FOXN3: variants seen among roughly 807,000 people sequenced by gnomAD.
The protein encoded by FOXN3 is forkhead box protein N3.
FOXN3 carries 7 observed loss-of-function variants against 38.4 expected under a neutral mutation model. That is an observed-to-expected ratio of 0.18 (90% confidence interval 0.10 to 0.34). FOXN3 has a LOEUF of 0.34. Ranked by LOEUF, FOXN3 falls within the 10% of genes least tolerant of loss-of-function variation. The pLI is 1.00. For synonymous variants in FOXN3, 230 were observed against 242.2 expected, an observed-to-expected ratio of 0.95 and a Z score of 0.47; for missense variants, 456 against 613.4, an observed-to-expected ratio of 0.74 and a Z score of 2.71.
Position 89,359,090 on chromosome 14 carries a change from G to A in FOXN3, c.544-8282C>T, listed in dbSNP as rs145696291. 1.5e-4 allele frequency among the ~76,000 whole-genome samples: 23 copies of A among 152,210 alleles called. No individual in the cohort carries two copies. In the East Asian group the frequency reaches 4.1e-3, roughly 27 times the overall value. On this transcript the variant is annotated intron_variant, in intron 2 of 5. Coordinates refer to ENST00000557258, the MANE Select transcript of FOXN3 (RefSeq NM_005197.4). ...TGGAAGGCAGAGGATCACCTGAGGA[G>A]TTTGAGACCAGCCTAGTCAACATGG...
chr14:89,205,922 C>A (rs1028653489), intron 4 of FOXN3, among the ~76,000 whole-genome samples: 14 of 152,206 alleles, frequency 9.2e-5, no homozygotes, highest in Non-Finnish European at 1.6e-4. Context: ...GCCCTGGGAG[C>A]GGGTTAAGGG....
intron 1 of FOXN3, among the ~76,000 whole-genome samples, chr14:89,558,797 T>G (rs1383336945): frequency 6.6e-6 from 1 of 151,998 alleles, no homozygotes; most frequent in Non-Finnish European, 1.5e-5. Flanking sequence ...TTGCCCCAGC[T>G]GCCGTAGGCT....
At chr14:89,340,907 T>C (rs1215369948) in intron 3 of FOXN3, among the ~76,000 whole-genome samples, 1 of 152,058 alleles carries the variant, frequency 6.6e-6, no homozygotes. Context: ...GGTCTTGAAA[T>C]CTGCACTTAA....
Position 89,393,243 on chromosome 14 carries a change from C to A in FOXN3, c.543+18691G>T, listed in dbSNP as rs928445254. On this transcript the variant is annotated intron_variant, in intron 2 of 5. Coordinates refer to ENST00000557258, the MANE Select transcript of FOXN3 (RefSeq NM_005197.4). ...GGCATGAGCCACCCCACCTGGCCTC[C>A]TCTCTTCTTTTTATAAGAATGCCAG... Among the ~76,000 whole-genome samples, 6 of 152,206 alleles carry A rather than the reference C, an allele frequency of 3.9e-5. 1 individual carries two copies. Among genetic ancestry groups the A allele is most frequent in the Admixed American group, 3.9e-4 (6 of 15,282 alleles).
intron 1 of FOXN3, among the ~76,000 whole-genome samples, chr14:89,553,054 A>C (rs1161079850): frequency 1.3e-5 from 2 of 149,950 alleles, no homozygotes; most frequent in African/African-American, 2.5e-5. Context: ...GCCTGTGCAA[A>C]ATGGCGAAAC....
At chr14:89,348,887 T>C (rs1888859951) in intron 3 of FOXN3, among the ~76,000 whole-genome samples, 1 of 152,162 alleles carries the variant, frequency 6.6e-6, no homozygotes, top group Admixed American at 6.5e-5. Flanking sequence ...TCCTTCGAAT[T>C]ATTAAATAAT....
chr14:89,438,282 A>G (rs1442391005), intron 1 of FOXN3, among the ~76,000 whole-genome samples: 2 of 152,260 alleles, frequency 1.3e-5, no homozygotes, highest in Admixed American at 6.5e-5. Flanking sequence ...CTGAATGAGC[A>G]CCTTCAGTAA....
chr14:89,272,296 G>C (rs1886172701), intron 4 of FOXN3, among the ~76,000 whole-genome samples: 1 of 152,086 alleles, frequency 6.6e-6, no homozygotes, highest in African/African-American at 2.4e-5. Context: ...CTGGGTGACA[G>C]AGCGAAACTC....
At chr14:89,316,110 T>C (rs1272315905) in intron 3 of FOXN3, among the ~76,000 whole-genome samples, 1 of 152,186 alleles carries the variant, frequency 6.6e-6, no homozygotes, top group African/African-American at 2.4e-5. Context: ...AATAGGACAT[T>C]AGCAAATATG....
In FOXN3 at chr14:89,476,113, G is replaced by T. The variant is rs560397692; in HGVS notation, c.-14-63623C>A. 2.6e-5 allele frequency among the ~76,000 whole-genome samples: 4 copies of T among 152,226 alleles called. No individual in the cohort carries two copies. In the East Asian group the frequency reaches 7.7e-4, roughly 29 times the overall value. On this transcript the variant is annotated intron_variant, in intron 1 of 6. Transcript: ENST00000345097. ...CAGCAGGAATAAACACTGAGGAATGGGTTTAAACTTCTTGCTCTCGGATGT... is the reference window on the plus strand; with the variant it reads ...CAGCAGGAATAAACACTGAGGAATGTGTTTAAACTTCTTGCTCTCGGATGT...
At chr14:89,287,421 G>C (rs1319829665) in intron 3 of FOXN3, among the ~76,000 whole-genome samples, 2 of 152,204 alleles carry the variant, frequency 1.3e-5, no homozygotes, top group South Asian at 4.2e-4. Flanking sequence ...CAGAGTGCTG[G>C]GATTACAGGT....
At chr14:89,598,583 C>T (rs958833843) in intron 1 of FOXN3, among the ~76,000 whole-genome samples, 5 of 152,178 alleles carry the variant, frequency 3.3e-5, no homozygotes, top group Non-Finnish European at 7.3e-5. Flanking sequence ...CCATGCTCAG[C>T]CTCATGATAA....
intron 2 of FOXN3, among the ~76,000 whole-genome samples, chr14:89,362,952 G>A (rs1889934041): frequency 6.6e-6 from 1 of 152,168 alleles, no homozygotes. Context: ...TAACAGCACA[G>A]GAGTTGGGCA....
intron 4 of FOXN3, among the ~76,000 whole-genome samples, chr14:89,191,786 G>A (rs1887950530): frequency 6.7e-6 from 1 of 150,000 alleles, no homozygotes; most frequent in South Asian, 2.1e-4. Context: ...ACTTTGAAGA[G>A]TTTTTTTTCT....
chr14:89,413,038 T>C (rs1402224927), intron 1 of FOXN3, among the ~76,000 whole-genome samples: 30 of 152,134 alleles, frequency 2.0e-4, no homozygotes, highest in Non-Finnish European at 4.4e-5. Context: ...GCCATAGAAT[T>C]CTATCCCTCC....
intron 1 of FOXN3, among the ~76,000 whole-genome samples, chr14:89,579,938 A>G (rs1478672744): frequency 6.6e-6 from 1 of 152,244 alleles, no homozygotes; most frequent in African/African-American, 2.4e-5. Flanking sequence ...ACATAAAGGA[A>G]TAAATATGTA....
intron 1 of FOXN3, among the ~76,000 whole-genome samples, chr14:89,424,432 C>A (rs1891980931): frequency 6.6e-6 from 1 of 152,190 alleles, no homozygotes; most frequent in African/African-American, 2.4e-5. Context: ...AGGAGAATTG[C>A]TAAGTACAAC....
chr14:89,490,917 C>T lies in FOXN3; in HGVS notation c.-14-78427G>A, dbSNP rs116392783. Among the ~76,000 whole-genome samples, 738 of 152,270 alleles carry T rather than the reference C, an allele frequency of 4.8e-3. 7 individuals carry two copies. Among genetic ancestry groups the T allele is most frequent in the African/African-American group, 0.017 (702 of 41,556 alleles). ...ATGGCGAATCCTACAAAAGTACATACGTCATGGCCCTTGTCTTTAATACAT... is the reference window on the plus strand; with the variant it reads ...ATGGCGAATCCTACAAAAGTACATATGTCATGGCCCTTGTCTTTAATACAT... On this transcript the variant is annotated intron_variant, in intron 1 of 6. Coordinates refer to the FOXN3 transcript ENST00000345097.
At chr14:89,345,646 TC>T (rs1206156150) in intron 3 of FOXN3, among the ~76,000 whole-genome samples, 1 of 151,674 alleles carries the variant, frequency 6.6e-6, no homozygotes, top group Non-Finnish European at 1.5e-5. Context: ...CCCCTCCGAG[TC>T]CCCAAAGTCC....
Sources: gnomAD v4.1 joint callset for allele counts (sites outside exome capture counted in the v4.1 genomes callset) on GRCh38, gnomAD v4.1.1 for gene constraint, MANE v1.5 for transcripts, NCBI Gene and HGNC (gene_info 2026-07-23, HGNC 2026-07-21) for gene names.